Variants in SEPTIN11 observed in about 807,000 individuals in gnomAD.
SEPTIN11 encodes the protein septin-11.
In SEPTIN11, 25 loss-of-function variants were observed where a neutral mutation model predicts 51.4. That is an observed-to-expected ratio of 0.49 (90% CI 0.35 to 0.68). The LOEUF (loss-of-function observed/expected upper bound fraction) is 0.68. Ranked by LOEUF, SEPTIN11 falls within the 30% of genes least tolerant of loss-of-function variation. The probability of loss-of-function intolerance (pLI) is 0.00; values close to 1 mark genes in which losing one functional copy is unlikely to be tolerated. For synonymous variants in SEPTIN11, 174 were observed against 184.1 expected, an observed-to-expected ratio of 0.95 and a Z score of 0.44; for missense variants, 381 against 520.8, an observed-to-expected ratio of 0.73 and a Z score of 2.61.
rs528483545 is a variant in SEPTIN11 at position 77,035,930 on chromosome 4, T to G, written c.*1418T>G. The G allele has an allele frequency of 5.4e-5, 53 of 985,812 alleles. No homozygotes were observed. Among genetic ancestry groups the G allele is most frequent in the Non-Finnish European group, 6.3e-5 (52 of 829,958 alleles). The allele number at this position is 985,812 out of a possible 1,614,324, so 61.1% of individuals were successfully genotyped here. A position where few individuals can be genotyped will look rare whatever the true frequency, so the allele number is the denominator to read the frequency against. ...CTCTCTACATGTAGAAAGGATAACATTTCTCATGAACCCACTGCCCCTCTG... is the reference window on the plus strand; with the variant it reads ...CTCTCTACATGTAGAAAGGATAACAGTTCTCATGAACCCACTGCCCCTCTG... On this transcript the variant is annotated 3_prime_UTR_variant, in exon 10 of 10. Coordinates refer to ENST00000264893, the MANE Select transcript of SEPTIN11 (RefSeq NM_018243.4).
Position 77,038,440 on chromosome 4 carries a change from AGTAATT to A in SEPTIN11, c.*3932_*3937del, listed in dbSNP as rs68140376. ...TAGACATTTGTCTTTTTTAAACTAA[AGTAATT>A]GTATTGATGTGAAGCATATCATTTT... On this transcript the variant is annotated 3_prime_UTR_variant, in exon 10 of 10. Coordinates refer to ENST00000264893, the MANE Select transcript of SEPTIN11 (RefSeq NM_018243.4). 9.0e-3 allele frequency: 8,869 copies of A among 985,744 alleles called. 44 individuals are homozygous for A. Among genetic ancestry groups the A allele is most frequent in the Non-Finnish European group, 0.01 (8,331 of 829,796 alleles). 61.1% of individuals were successfully genotyped at this position (985,744 alleles called of 1,614,324 possible). A position where few individuals can be genotyped will look rare whatever the true frequency, so the allele number is the denominator to read the frequency against.
intron 1 of SEPTIN11, among the ~76,000 whole-genome samples, chr4:76,955,034 A>G (rs1721502076): frequency 6.6e-6 from 1 of 152,170 alleles, no homozygotes; most frequent in African/African-American, 2.4e-5. Flanking sequence ...TATATATAGC[A>G]TAACATTAAA....
At chr4:76,969,483 A>C (rs1165599853) in intron 1 of SEPTIN11, among the ~76,000 whole-genome samples, 1 of 152,350 alleles carries the variant, frequency 6.6e-6, no homozygotes, top group Admixed American at 6.5e-5. Flanking sequence ...AAAGTTACAG[A>C]GAAATTTGAG....
At chr4:77,038,710 C>T (rs190017549), downstream of SEPTIN11, 146 of 951,604 alleles carry the variant, frequency 1.5e-4, no homozygotes, top group African/African-American at 2.4e-3. Flanking sequence ...ATAAGAGTCT[C>T]ATGCTTTCCT....
chr4:76,971,291 T>G (rs956352258), intron 1 of SEPTIN11, among the ~76,000 whole-genome samples: 1 of 152,212 alleles, frequency 6.6e-6, no homozygotes, highest in Non-Finnish European at 1.5e-5. Context: ...ATTATATGCA[T>G]TTTACAAGTA....
intron 1 of SEPTIN11, among the ~76,000 whole-genome samples, chr4:76,973,701 G>T (rs772541481): frequency 2.0e-5 from 3 of 152,188 alleles, no homozygotes; most frequent in Non-Finnish European, 2.9e-5. Context: ...TGTTAAAGCG[G>T]GTTAGAACCC....
chr4:76,973,840 A>G (rs1004271340), intron 1 of SEPTIN11, among the ~76,000 whole-genome samples: 5 of 152,206 alleles, frequency 3.3e-5, no homozygotes, highest in Non-Finnish European at 5.9e-5. Context: ...TGCCTGGCAT[A>G]TAAATAATAC....
chr4:76,950,012 G>C (rs1270518945), intron 1 of SEPTIN11, 82 bp downstream of exon 1: 4 of 1,294,818 alleles, frequency 3.1e-6, no homozygotes, highest in Non-Finnish European at 2.9e-6. Flanking sequence ...GACCACAGGG[G>C]AGCCGGGCGG....
At chr4:76,991,100 G>A (rs1436805759) in intron 1 of SEPTIN11, among the ~76,000 whole-genome samples, 1 of 152,218 alleles carries the variant, frequency 6.6e-6, no homozygotes, top group Non-Finnish European at 1.5e-5. Context: ...ATGCCTAGCA[G>A]CTGTAATAGA....
chr4:76,985,390 T>G (rs190235714), intron 1 of SEPTIN11, among the ~76,000 whole-genome samples: 2 of 152,272 alleles, frequency 1.3e-5, no homozygotes, highest in Admixed American at 6.5e-5. Flanking sequence ...ATTCCCCTCC[T>G]CCCCCTATCT....
At chr4:76,950,024 T>C in intron 1 of SEPTIN11, 94 bp downstream of exon 1, 2 of 1,245,316 alleles carry the variant, frequency 1.6e-6, no homozygotes, top group Non-Finnish European at 2.1e-6. Context: ...GCCGGGCGGG[T>C]GCTCGGCCCC....
At chr4:76,967,797 T>C (rs1722092027) in intron 1 of SEPTIN11, among the ~76,000 whole-genome samples, 1 of 152,220 alleles carries the variant, frequency 6.6e-6, no homozygotes, top group African/African-American at 2.4e-5. Flanking sequence ...AATTTAAGCT[T>C]TTTGTGTGTG....
intron 1 of SEPTIN11, among the ~76,000 whole-genome samples, chr4:76,980,003 AC>A (rs1438255599): frequency 6.6e-6 from 1 of 152,104 alleles, no homozygotes; most frequent in Non-Finnish European, 1.5e-5. Flanking sequence ...GCTAAACCAT[AC>A]TTAGTATTGT....
chr4:76,958,911 C>T, intron 1 of SEPTIN11: 1 of 1,446,958 alleles, frequency 6.9e-7, no homozygotes, highest in Non-Finnish European at 9.7e-7. Context: ...CCAGAAAATT[C>T]ACCCACCTTT....
chr4:77,005,249 CTAACAT>C (rs1406196099), intron 2 of SEPTIN11, among the ~76,000 whole-genome samples: 2 of 152,182 alleles, frequency 1.3e-5, no homozygotes, highest in Non-Finnish European at 2.9e-5. Context: ...GATTTATACT[CTAACAT>C]TTAGGAGAGA....
rs571720545 is a variant in SEPTIN11 at position 76,984,528 on chromosome 4, T to C, written c.28-11897T>C. Among the ~76,000 whole-genome samples, 2 of 152,272 alleles carry C rather than the reference T, an allele frequency of 1.3e-5. No individual in the cohort carries two copies. The highest frequency in any genetic ancestry group is 3.9e-4 in the East Asian group (2 of 5,176). ...TTTGCTGATGAATGCATTCAGTGAA[T>C]AGAAATAGATGAACTGAGCCACAAT... On this transcript the variant is annotated intron_variant, in intron 1 of 9. Coordinates refer to ENST00000264893, the MANE Select transcript of SEPTIN11 (RefSeq NM_018243.4). The surrounding 1 kb of genome is among the most constrained non-coding windows in gnomAD (Gnocchi z 4.1).
intron 1 of SEPTIN11, among the ~76,000 whole-genome samples, chr4:76,972,202 T>A (rs949358395): frequency 4.6e-5 from 7 of 152,248 alleles, no homozygotes; most frequent in Non-Finnish European, 1.0e-4. Context: ...TGTGCAAATA[T>A]CTTCTCCTAG....
At chr4:77,028,605 C>T in intron 7 of SEPTIN11, 24 bp from the exon 8 acceptor site, 1 of 1,571,112 alleles carries the variant, frequency 6.4e-7, no homozygotes, top group African/African-American at 1.4e-5. Context: ...ATGATGCTGT[C>T]CTTCGTTTGT....
intron 6 of SEPTIN11, 96 bp downstream of exon 6, chr4:77,019,357 A>C: frequency 3.9e-6 from 4 of 1,021,866 alleles, no homozygotes; most frequent in South Asian, 1.8e-5. Flanking sequence ...GAGGCCCTCA[A>C]CAGTGGGCTG....
Sources: allele counts gnomAD v4.1 joint callset (sites outside exome capture counted in the v4.1 genomes callset), GRCh38; gene constraint gnomAD v4.1.1; non-coding constraint Gnocchi (gnomAD v3.1); transcripts MANE v1.5; gene names NCBI Gene and HGNC (gene_info 2026-07-23, HGNC 2026-07-21).